The following PDE8B variants were observed in gnomAD, a reference collection of about 807,000 sequenced individuals.
PDE8B encodes the protein phosphodiesterase 8B.
Under a neutral mutation model 101.3 loss-of-function variants are expected in PDE8B, and 26 were observed. The ratio of observed to expected loss-of-function variants is 0.26; its 90% confidence interval spans 0.19 to 0.36. The LOEUF (loss-of-function observed/expected upper bound fraction) is 0.36. PDE8B is among the 10% of genes least tolerant of loss of function. The pLI is 1.00. For missense variants in PDE8B, 810 were observed against 1,163.1 expected, an observed-to-expected ratio of 0.70 and a Z score of 4.42; for synonymous variants, 424 against 429.3, an observed-to-expected ratio of 0.99 and a Z score of 0.15.
the PDE8B span, chr5:77,145,113 TC>T: frequency 6.6e-6 from 1 of 152,066 alleles, no homozygotes; most frequent in South Asian, 2.1e-4. Flanking sequence ...TATATATACT[TC>T]TAAAATCACA....
At chr5:77,230,777 A>G (rs919945738) in intron 1 of PDE8B, among the ~76,000 whole-genome samples, 3 of 152,182 alleles carry the variant, frequency 2.0e-5, no homozygotes, top group East Asian at 1.9e-4. Context: ...TGCACATTCA[A>G]TGTCAATGCA....
chr5:77,424,060 T>C (rs1440275391), intron 20 of PDE8B, among the ~76,000 whole-genome samples: 1 of 152,044 alleles, frequency 6.6e-6, no homozygotes, highest in Non-Finnish European at 1.5e-5. Context: ...TGAAGAAAAG[T>C]AGGACAGGTA....
chr5:77,368,157 T>G (rs1475390489), intron 10 of PDE8B, among the ~76,000 whole-genome samples: 1 of 152,238 alleles, frequency 6.6e-6, no homozygotes, highest in Non-Finnish European at 1.5e-5. Context: ...TCCATCTCTC[T>G]TATTCCTTTG....
chr5:77,318,350 T>C (rs1774294416), intron 2 of PDE8B, among the ~76,000 whole-genome samples: 1 of 152,210 alleles, frequency 6.6e-6, no homozygotes, highest in South Asian at 2.1e-4. Context: ...ATAGAGTTGT[T>C]AAGAATTTTC....
the PDE8B span, among the ~76,000 whole-genome samples, chr5:77,175,712 C>A: frequency 5.9e-5 from 9 of 152,146 alleles, no homozygotes; most frequent in Non-Finnish European, 1.2e-4. Flanking sequence ...TCCTCAGCAC[C>A]TAAAATAATT....
chr5:77,225,983 G>T (rs1752318073), intron 1 of PDE8B, among the ~76,000 whole-genome samples: 1 of 151,994 alleles, frequency 6.6e-6, no homozygotes. Context: ...TGATATTAGG[G>T]TCTGTCCCAC....
chr5:77,308,126 C>T lies in PDE8B; in HGVS notation c.340-3868C>T, dbSNP rs76092858. ...AAACTGCCGTCTGTGAATACACCTGCTACAGGTTTTTTCCTGCTGGTCACT... is the reference window on the plus strand; with the variant it reads ...AAACTGCCGTCTGTGAATACACCTGTTACAGGTTTTTTCCTGCTGGTCACT... On this transcript the variant is annotated intron_variant, in intron 1 of 21. Coordinates refer to ENST00000264917, the MANE Select transcript of PDE8B (RefSeq NM_003719.5). Among the ~76,000 whole-genome samples the T allele has an allele frequency of 6.6e-5, 10 of 152,360 alleles. No homozygotes were observed. The East Asian group carries it at 1.9e-3, about 29-fold the overall frequency.
At chr5:77,276,132 C>A (rs547151601) in intron 1 of PDE8B, among the ~76,000 whole-genome samples, 1 of 152,326 alleles carries the variant, frequency 6.6e-6, no homozygotes, top group East Asian at 1.9e-4. Context: ...CTGAAAGTGT[C>A]TCTAAGGTAT....
chr5:77,247,313 C>T (rs958703602), intron 1 of PDE8B, among the ~76,000 whole-genome samples: 1 of 152,220 alleles, frequency 6.6e-6, no homozygotes, highest in Non-Finnish European at 1.5e-5. Context: ...CTCCTGCCCT[C>T]TGTTCCGCAG....
the PDE8B span, among the ~76,000 whole-genome samples, chr5:77,166,449 A>G: frequency 6.6e-6 from 1 of 152,178 alleles, no homozygotes; most frequent in African/African-American, 2.4e-5. Context: ...TCAATCCATT[A>G]TCAACCCAAT....
At position 77,259,073 on chromosome 5, in the gene PDE8B, C is replaced by T. The variant is rs1039315610; in HGVS notation, c.339+47809C>T. ...AGACACACACACACACACACACCCC[C>T]GCCCCCCCCCCACACACACACACGA... is the stretch of plus-strand genomic sequence containing the variant. On this transcript the variant is annotated intron_variant, in intron 1 of 21. Transcript: ENST00000264917. Among the ~76,000 whole-genome samples, 63 of 77,282 alleles carry T rather than the reference C, an allele frequency of 8.2e-4. 11 individuals carry two copies. The highest frequency in any genetic ancestry group is 4.4e-3 in the South Asian group (6 of 1,354). The allele number at this position is 77,282 out of a possible 152,430, so 50.7% of individuals were successfully genotyped here.
the PDE8B span, among the ~76,000 whole-genome samples, chr5:77,204,620 C>T: frequency 2.0e-5 from 3 of 152,118 alleles, no homozygotes; most frequent in African/African-American, 7.2e-5. Context: ...ATCATCCCTG[C>T]CTAAGGAGAC....
chr5:77,267,663 C>T (rs1580690923), intron 1 of PDE8B, among the ~76,000 whole-genome samples: 1 of 152,306 alleles, frequency 6.6e-6, no homozygotes, highest in South Asian at 2.1e-4. Flanking sequence ...CTCTCACCAG[C>T]TCTCTTGGGT....
intron 1 of PDE8B, among the ~76,000 whole-genome samples, chr5:77,299,095 T>G (rs1352135022): frequency 6.6e-6 from 1 of 152,194 alleles, no homozygotes; most frequent in Non-Finnish European, 1.5e-5. Flanking sequence ...CCATCACCAT[T>G]TCTAAAGCAT....
chr5:77,172,854 A>T, the PDE8B span, among the ~76,000 whole-genome samples: 1 of 152,146 alleles, frequency 6.6e-6, no homozygotes, highest in South Asian at 2.1e-4. Flanking sequence ...CCACTTGTTT[A>T]CTTGTTTCTG....
intron 2 of PDE8B, among the ~76,000 whole-genome samples, chr5:77,317,493 G>A (rs181579171): frequency 3.3e-5 from 5 of 152,278 alleles, no homozygotes; most frequent in Admixed American, 1.3e-4. Context: ...GAGCTGGCAG[G>A]AGCACAGTTA....
At chr5:77,133,897 G>A in the PDE8B span, among the ~76,000 whole-genome samples, 1 of 152,214 alleles carries the variant, frequency 6.6e-6, no homozygotes, top group Non-Finnish European at 1.5e-5. Context: ...TAGTTGGCAA[G>A]TCAGCTATAT....
intron 4 of PDE8B, among the ~76,000 whole-genome samples, chr5:77,330,007 T>C (rs1776821817): frequency 6.6e-6 from 1 of 152,166 alleles, no homozygotes; most frequent in African/African-American, 2.4e-5. Flanking sequence ...CTCACTTTGT[T>C]TGATACCCAC....
chr5:77,360,111 A>G (rs1782831451), intron 10 of PDE8B, among the ~76,000 whole-genome samples: 1 of 152,110 alleles, frequency 6.6e-6, no homozygotes, highest in Admixed American at 6.5e-5. Flanking sequence ...AAAAGAAAGA[A>G]AAGTAAGATA....
Sources: allele counts gnomAD v4.1 joint callset (sites outside exome capture counted in the v4.1 genomes callset), GRCh38; gene constraint gnomAD v4.1.1; transcripts MANE v1.5; gene names NCBI Gene and HGNC (gene_info 2026-07-23, HGNC 2026-07-21).